Variants in NRXN1 observed in about 807,000 individuals in gnomAD.
NRXN1 encodes the protein neurexin 1.
Under a neutral mutation model 150.9 loss-of-function variants are expected in NRXN1, and 39 were observed. The observed-to-expected ratio is 0.26, with a 90% CI of 0.20 to 0.34. The LOEUF (loss-of-function observed/expected upper bound fraction) is 0.34, where lower values mean the gene tolerates loss of function less well. Ranked by LOEUF, NRXN1 falls within the 10% of genes least tolerant of loss-of-function variation. NRXN1 has a pLI of 1.00. For synonymous variants in NRXN1, 924 were observed against 757.0 expected (o/e 1.22, Z -3.62); for missense variants, 1,815 against 1,949.9 (o/e 0.93, Z 1.30).
chr2:50,503,035 C>T (rs1006476490), intron 13 of NRXN1, among the ~76,000 whole-genome samples: 3 of 152,012 alleles, frequency 2.0e-5, no homozygotes, highest in Non-Finnish European at 4.4e-5. Context: ...GGGCCAGGCA[C>T]GGTGGCTCAT....
intron 18 of NRXN1, among the ~76,000 whole-genome samples, chr2:50,189,925 T>C (rs1374941505): frequency 1.3e-5 from 2 of 152,196 alleles, no homozygotes; most frequent in African/African-American, 4.8e-5. Context: ...AGTATTCTGA[T>C]TGACTTTTCT....
chr2:50,939,888 A>G (rs1689140195), intron 2 of NRXN1, among the ~76,000 whole-genome samples: 2 of 152,214 alleles, frequency 1.3e-5, no homozygotes, highest in South Asian at 4.1e-4. Context: ...TGAGACATGC[A>G]GAAACAACAG....
chr2:50,911,426 T>C (rs6714408), intron 5 of NRXN1, among the ~76,000 whole-genome samples: 12,967 of 151,858 alleles, frequency 0.085, 604 homozygotes, highest in South Asian at 0.12. Context: ...ATAATTTCTA[T>C]ACCTGAGTCT....
At position 50,922,650 on chromosome 2, in the gene NRXN1, G is replaced by A; in HGVS notation, c.820+8C>T. The A allele has an allele frequency of 6.2e-7, 1 of 1,609,712 alleles. No homozygotes were observed. On this transcript the variant is annotated splice_region_variant and intron_variant, in intron 4 of 22. Transcript: ENST00000401669. ...GAAAGCAGAGTGGAAAAGGAACAGAGCCCATACCTTGGTCGCCCATCATCA... is the reference window on the plus strand; with the variant it reads ...GAAAGCAGAGTGGAAAAGGAACAGAACCCATACCTTGGTCGCCCATCATCA...
chr2:50,070,769 C>CAAAAA (rs546500232), intron 19 of NRXN1, among the ~76,000 whole-genome samples: 1 of 94,072 alleles, frequency 1.1e-5, no homozygotes, highest in African/African-American at 4.1e-5. Flanking sequence ...GACTCCGTCT[C>CAAAAA]AAAAAAAAAA....
chr2:50,386,431 G>A (rs562580566), intron 17 of NRXN1, among the ~76,000 whole-genome samples: 2 of 151,736 alleles, frequency 1.3e-5, no homozygotes, highest in South Asian at 2.1e-4. Context: ...GTTCATAGGA[G>A]GTAATTTCAA....
At chr2:50,308,484 C>A (rs1236950401) in intron 17 of NRXN1, among the ~76,000 whole-genome samples, 2 of 152,030 alleles carry the variant, frequency 1.3e-5, no homozygotes, top group African/African-American at 2.4e-5. Flanking sequence ...CATGCCGCAA[C>A]TTCCACGTAA....
chr2:50,232,680 C>T lies in NRXN1; in HGVS notation c.3546+4109G>A, dbSNP rs1319152860. Among the ~76,000 whole-genome samples, 9 of 151,880 alleles carry T rather than the reference C, an allele frequency of 5.9e-5. No homozygotes were observed. The South Asian group carries it at 6.2e-4, about 11-fold the overall frequency. ...GATTACAGGCGTGAGCCACTGAGCC[C>T]GGCTATTTTTCTTATTAATCATCAC... On this transcript the variant is annotated intron_variant, in intron 18 of 22. Coordinates refer to ENST00000401669, the MANE Select transcript of NRXN1 (RefSeq NM_001330078.2).
intron 18 of NRXN1, among the ~76,000 whole-genome samples, chr2:50,232,783 G>C (rs1420725534): frequency 6.6e-6 from 1 of 151,854 alleles, no homozygotes; most frequent in African/African-American, 2.4e-5. Flanking sequence ...AAAATAACTA[G>C]AGAATAATTC....
intron 18 of NRXN1, among the ~76,000 whole-genome samples, chr2:50,172,643 T>C (rs994938574): frequency 9.9e-5 from 15 of 152,188 alleles, no homozygotes; most frequent in Admixed American, 2.6e-4. Flanking sequence ...CTGTAACTCA[T>C]TCATTTTTTA....
At chr2:50,362,303 C>G (rs894223555) in intron 17 of NRXN1, among the ~76,000 whole-genome samples, 3 of 152,116 alleles carry the variant, frequency 2.0e-5, no homozygotes, top group African/African-American at 7.2e-5. Context: ...AATAGGAAGT[C>G]AAATTGGCTG....
At chr2:50,926,713 T>C (rs1230013370) in intron 2 of NRXN1, among the ~76,000 whole-genome samples, 2 of 151,912 alleles carry the variant, frequency 1.3e-5, no homozygotes, top group Non-Finnish European at 2.9e-5. Context: ...GATGTGAATA[T>C]GAATTTGTTT....
intron 2 of NRXN1, among the ~76,000 whole-genome samples, chr2:50,957,550 C>A (rs1692468945): frequency 6.6e-6 from 1 of 151,986 alleles, no homozygotes; most frequent in Admixed American, 6.6e-5. Flanking sequence ...GCTGACAAAT[C>A]CTTAAAGAAA....
chr2:50,841,375 T>C (rs1213252456), intron 5 of NRXN1, among the ~76,000 whole-genome samples: 2 of 152,182 alleles, frequency 1.3e-5, no homozygotes, highest in Non-Finnish European at 2.9e-5. Context: ...TCAAAGTAAT[T>C]GCCACATTCA....
chr2:50,501,070 T>A (rs1453300025), intron 13 of NRXN1, among the ~76,000 whole-genome samples: 5 of 152,124 alleles, frequency 3.3e-5, no homozygotes, highest in Non-Finnish European at 7.3e-5. Context: ...GAACGAGGTA[T>A]TGTGTTGGTA....
chr2:49,962,798 C>A (rs998168555), intron 21 of NRXN1, among the ~76,000 whole-genome samples: 1 of 151,870 alleles, frequency 6.6e-6, no homozygotes, highest in Non-Finnish European at 1.5e-5. Flanking sequence ...ACTAAAAATA[C>A]AAAAATTAGC....
chr2:50,235,822 G>C (rs944583111), intron 18 of NRXN1, among the ~76,000 whole-genome samples: 1 of 151,982 alleles, frequency 6.6e-6, no homozygotes. Flanking sequence ...AGGATGGGGA[G>C]ACTTACCTGT....
chr2:50,058,814 G>A (rs958142996), intron 19 of NRXN1, among the ~76,000 whole-genome samples: 1 of 152,126 alleles, frequency 6.6e-6, no homozygotes, highest in Non-Finnish European at 1.5e-5. Flanking sequence ...CCTGCAGATG[G>A]TCTCTTGCCT....
intron 18 of NRXN1, among the ~76,000 whole-genome samples, chr2:50,122,666 C>A (rs1474339840): frequency 1.3e-5 from 2 of 152,230 alleles, no homozygotes; most frequent in Non-Finnish European, 2.9e-5. Flanking sequence ...CACAAAGACT[C>A]ATTTCCAGCT....
Sources: allele counts gnomAD v4.1 joint callset (sites outside exome capture counted in the v4.1 genomes callset), GRCh38; gene constraint gnomAD v4.1.1; transcripts MANE v1.5; gene names NCBI Gene and HGNC (gene_info 2026-07-23, HGNC 2026-07-21).